SLX4IP: variants seen among roughly 807,000 people sequenced by gnomAD.
SLX4IP encodes protein SLX4IP.
In SLX4IP, 34 loss-of-function variants were observed where a neutral mutation model predicts 32.9. The ratio of observed to expected loss-of-function variants is 1.03; its 90% CI spans 0.79 to 1.38. SLX4IP has a LOEUF of 1.38. Ranked by LOEUF, SLX4IP falls within the 40% of genes most tolerant of loss-of-function variation. The pLI, the probability that SLX4IP is intolerant of heterozygous loss-of-function variation, is 0.00. For missense variants in SLX4IP, 444 were observed against 479.0 expected (o/e 0.93, Z 0.68); for synonymous variants, 172 against 171.7 (o/e 1.00, Z -0.01).
Position 10,527,673 on chromosome 20 carries a change from C to T in SLX4IP, c.28-28558C>T, listed in dbSNP as rs1157656566. On this transcript the variant is annotated intron_variant, in intron 2 of 7. Transcript: ENST00000334534. The stretch of plus-strand genomic sequence containing the variant: ...TTCTCTGGGGTATTCTTACAAAGCT[C>T]TCTTGGATTCATCTAATAAGGAAGA... Among the ~76,000 whole-genome samples the T allele has an allele frequency of 2.0e-5, 3 of 152,162 alleles. No homozygotes were observed. The East Asian group carries it at 5.8e-4, about 29-fold the overall frequency.
chr20:10,590,485 G>A (rs897994865), intron 4 of SLX4IP, among the ~76,000 whole-genome samples: 4 of 151,626 alleles, frequency 2.6e-5, no homozygotes, highest in East Asian at 3.9e-4. Context: ...CTCAGCCTCC[G>A]GAGTAGCTGG....
intron 2 of SLX4IP, among the ~76,000 whole-genome samples, chr20:10,529,477 G>A (rs750776612): frequency 6.6e-6 from 1 of 151,338 alleles, no homozygotes; most frequent in African/African-American, 2.4e-5. Context: ...TGTAATCTCA[G>A]CTACTTGGAA....
At chr20:10,600,645 C>T (rs993517497) in intron 5 of SLX4IP, among the ~76,000 whole-genome samples, 3 of 152,090 alleles carry the variant, frequency 2.0e-5, no homozygotes, top group Non-Finnish European at 2.9e-5. Context: ...GGCTTCCAAG[C>T]GGTGCATCAA....
chr20:10,616,853 C>T (rs1798083082), intron 6 of SLX4IP, among the ~76,000 whole-genome samples: 1 of 152,196 alleles, frequency 6.6e-6, no homozygotes, highest in South Asian at 2.1e-4. Context: ...TGTTTGTTGT[C>T]TTCTCCATTG....
intron 4 of SLX4IP, among the ~76,000 whole-genome samples, chr20:10,582,908 A>AAT (rs1444637954): frequency 6.6e-6 from 1 of 152,164 alleles, no homozygotes; most frequent in Admixed American, 6.5e-5. Context: ...AAGAGGGTCT[A>AAT]TATTAATATA....
chr20:10,621,419 G>A lies in SLX4IP; in HGVS notation c.506+5G>A, dbSNP rs1310808802. ...GAGAAATGCTCTGAAAGAAATGTAG[G>A]TGCAATGTGTTTCCTTTTTCTCATT... On this transcript the variant is annotated splice_donor_5th_base_variant and intron_variant, in intron 7 of 7. Transcript: ENST00000334534. 2 of 1,613,412 alleles carry A rather than the reference G, an allele frequency of 1.2e-6. No homozygotes were observed. The highest frequency in any genetic ancestry group is 1.7e-5 in the Admixed American group (1 of 60,008).
intron 2 of SLX4IP, among the ~76,000 whole-genome samples, chr20:10,504,968 A>T (rs1460594573): frequency 2.0e-5 from 3 of 152,084 alleles, no homozygotes; most frequent in Non-Finnish European, 4.4e-5. Flanking sequence ...AAAAAAAAAA[A>T]TTTAATGAAG....
At chr20:10,614,386 G>T (rs1424190348) in intron 6 of SLX4IP, among the ~76,000 whole-genome samples, 3 of 152,124 alleles carry the variant, frequency 2.0e-5, no homozygotes, top group African/African-American at 7.2e-5. Context: ...ACAAGAGTTT[G>T]GTGGGATAGC....
At chr20:10,609,054 G>A (rs2066936722) in intron 6 of SLX4IP, among the ~76,000 whole-genome samples, 1 of 152,094 alleles carries the variant, frequency 6.6e-6, no homozygotes, top group South Asian at 2.1e-4. Context: ...TTCAGTGGGA[G>A]TTCTGTTAAC....
intron 2 of SLX4IP, among the ~76,000 whole-genome samples, chr20:10,544,038 C>T (rs1212800592): frequency 2.0e-5 from 3 of 152,150 alleles, no homozygotes; most frequent in Non-Finnish European, 4.4e-5. Flanking sequence ...CTCTCTAGGT[C>T]CTCCAGGTAA....
At chr20:10,568,985 T>C (rs951156343) in intron 4 of SLX4IP, among the ~76,000 whole-genome samples, 5 of 152,222 alleles carry the variant, frequency 3.3e-5, no homozygotes, top group Non-Finnish European at 5.9e-5. Flanking sequence ...TCTTTTTCCC[T>C]TGTGCAAATA....
rs973510273 is a variant in SLX4IP at position 10,552,914 on chromosome 20, G to C, written c.28-3317G>C. ...AATTAGTTTTGCTAATGAAAAGGTA[G>C]CAGTGAACTTGGTTTAGATTAAAAA... On this transcript the variant is annotated intron_variant, in intron 2 of 7. Transcript: ENST00000334534. Among the ~76,000 whole-genome samples, 4 of 150,468 alleles carry C rather than the reference G, an allele frequency of 2.7e-5. No homozygotes were observed. In the Admixed American group the frequency reaches 2.7e-4, roughly 10 times the overall value.
intron 2 of SLX4IP, among the ~76,000 whole-genome samples, chr20:10,529,940 G>A (rs1244223441): frequency 2.0e-5 from 3 of 152,154 alleles, no homozygotes; most frequent in African/African-American, 7.2e-5. Context: ...TCCATCTATG[G>A]AGCAAAAGTT....
chr20:10,448,153 CAT>C (rs1041582328), intron 1 of SLX4IP, among the ~76,000 whole-genome samples: 4 of 152,144 alleles, frequency 2.6e-5, no homozygotes, highest in African/African-American at 9.7e-5. Flanking sequence ...TATGTTCACT[CAT>C]AGAATTGACT....
At chr20:10,600,420 C>T (rs556063109) in intron 5 of SLX4IP, among the ~76,000 whole-genome samples, 89 of 152,192 alleles carry the variant, frequency 5.8e-4, no homozygotes, top group African/African-American at 2.1e-3. Context: ...GAGTGGAGCT[C>T]TTTTTTTAGA....
intron 1 of SLX4IP, among the ~76,000 whole-genome samples, chr20:10,457,687 T>C: frequency 6.6e-6 from 1 of 152,170 alleles, no homozygotes; most frequent in East Asian, 1.9e-4. Flanking sequence ...CTCTCTGGTA[T>C]TGGTATCAGG....
At chr20:10,587,445 A>G (rs376631699) in intron 4 of SLX4IP, among the ~76,000 whole-genome samples, 3 of 152,300 alleles carry the variant, frequency 2.0e-5, no homozygotes, top group East Asian at 1.9e-4. Flanking sequence ...GCAGTATTCA[A>G]CACTCTACTG....
At chr20:10,501,118 T>C (rs890961110) in intron 2 of SLX4IP, among the ~76,000 whole-genome samples, 3 of 152,194 alleles carry the variant, frequency 2.0e-5, no homozygotes, top group African/African-American at 7.2e-5. Flanking sequence ...AGTTCCCATA[T>C]GAAGCACAAG....
intron 1 of SLX4IP, among the ~76,000 whole-genome samples, chr20:10,452,677 A>T (rs1294976927): frequency 6.1e-5 from 5 of 81,334 alleles, no homozygotes. Context: ...AAAAAAAAAA[A>T]AAAATATATA....
Sources: gnomAD v4.1 joint callset for allele counts (sites outside exome capture counted in the v4.1 genomes callset) on GRCh38, gnomAD v4.1.1 for gene constraint, MANE v1.5 for transcripts, NCBI Gene and HGNC (gene_info 2026-07-23, HGNC 2026-07-21) for gene names.